SRPK2: variants seen among roughly 807,000 people sequenced by gnomAD.
The protein encoded by SRPK2 is SRSF protein kinase 2.
A neutral mutation model predicts 90.8 loss-of-function variants in SRPK2; 21 were observed. That is an observed-to-expected ratio of 0.23 (90% CI 0.16 to 0.33). The LOEUF is 0.33. Ranked by LOEUF, SRPK2 falls within the 10% of genes least tolerant of loss-of-function variation. The pLI is 1.00. For synonymous variants in SRPK2, 288 were observed against 311.1 expected, an observed-to-expected ratio of 0.93 and a Z score of 0.78; for missense variants, 620 against 869.0, an observed-to-expected ratio of 0.71 and a Z score of 3.60.
chr7:105,204,582 T>C, intron 2 of SRPK2: 1 of 500,868 alleles, frequency 2.0e-6, no homozygotes, highest in South Asian at 1.7e-5. Context: ...AAACTACCAC[T>C]GAATGCGTGC....
intron 2 of SRPK2, among the ~76,000 whole-genome samples, chr7:105,222,727 A>G (rs1176698313): frequency 1.3e-5 from 2 of 152,216 alleles, no homozygotes; most frequent in Non-Finnish European, 2.9e-5. Context: ...CATAATTCAG[A>G]AAGATTTACA....
intron 3 of SRPK2, among the ~76,000 whole-genome samples, chr7:105,181,655 G>A (rs56719792): frequency 5.9e-4 from 90 of 152,200 alleles, no homozygotes; most frequent in African/African-American, 2.0e-3. Context: ...TGTATAAGTG[G>A]GAAGTAAACA....
intron 3 of SRPK2, among the ~76,000 whole-genome samples, chr7:105,187,027 G>A (rs900533112): frequency 2.0e-5 from 3 of 152,208 alleles, no homozygotes; most frequent in Admixed American, 1.3e-4. Flanking sequence ...CCCAGATACC[G>A]TGAAGCAATG....
At chr7:105,281,495 C>T (rs549201324) in intron 2 of SRPK2, among the ~76,000 whole-genome samples, 1 of 152,138 alleles carries the variant, frequency 6.6e-6, no homozygotes, top group Non-Finnish European at 1.5e-5. Context: ...GCTCAAGACT[C>T]CAGCGCTACC....
At chr7:105,250,968 A>T (rs1802406556) in intron 2 of SRPK2, among the ~76,000 whole-genome samples, 1 of 152,208 alleles carries the variant, frequency 6.6e-6, no homozygotes, top group Non-Finnish European at 1.5e-5. Context: ...GCCACTAGGA[A>T]CATGGCTGAT....
chr7:105,249,781 A>G (rs1802229632), intron 2 of SRPK2, among the ~76,000 whole-genome samples: 1 of 152,248 alleles, frequency 6.6e-6, no homozygotes, highest in African/African-American at 2.4e-5. Flanking sequence ...TTGAATAGCA[A>G]ATAAAAAATA....
At chr7:105,393,396 T>C (rs543655222), upstream of SRPK2, among the ~76,000 whole-genome samples, 12 of 151,818 alleles carry the variant, frequency 7.9e-5, no homozygotes, top group African/African-American at 2.9e-4. Context: ...CCTCCCAAAC[T>C]GCTGGGATTA....
At chr7:105,166,535 G>C (rs932044475) in intron 6 of SRPK2, among the ~76,000 whole-genome samples, 1 of 152,122 alleles carries the variant, frequency 6.6e-6, no homozygotes, top group Non-Finnish European at 1.5e-5. Flanking sequence ...ATCAATTATG[G>C]CCAGACCATG....
chr7:105,133,604 C>A (rs9969263), intron 11 of SRPK2, among the ~76,000 whole-genome samples: 2,620 of 152,322 alleles, frequency 0.017, 81 homozygotes, highest in African/African-American at 0.059. Context: ...ACCTCACACC[C>A]ACATCATCCC....
intron 2 of SRPK2, chr7:105,204,599 G>A: frequency 1.8e-6 from 1 of 563,108 alleles, no homozygotes; most frequent in Non-Finnish European, 3.2e-6. Flanking sequence ...GTGCGCTGAA[G>A]ATGACGGCTG....
At chr7:105,384,722 G>A (rs1821334249) in intron 2 of SRPK2, among the ~76,000 whole-genome samples, 1 of 151,984 alleles carries the variant, frequency 6.6e-6, no homozygotes. Flanking sequence ...GTAAAATTCG[G>A]GGTACCCTGA....
chr7:105,379,209 T>C (rs889793836), intron 2 of SRPK2, among the ~76,000 whole-genome samples: 23 of 151,794 alleles, frequency 1.5e-4, no homozygotes, highest in African/African-American at 5.3e-4. Flanking sequence ...TCTGCATCCA[T>C]AGGTTCAACC....
At chr7:105,248,880 C>T (rs1039624700) in intron 2 of SRPK2, among the ~76,000 whole-genome samples, 3 of 150,742 alleles carry the variant, frequency 2.0e-5, no homozygotes, top group Non-Finnish European at 2.9e-5. Flanking sequence ...GAGCCGAGAT[C>T]GTGCCACTGC....
In SRPK2 at chr7:105,247,656, T is replaced by A. The variant is rs182938052; in HGVS notation, c.72-43871A>T. The stretch of plus-strand genomic sequence containing the variant: ...ATTAAATGGTACCTAACAAAATGCA[T>A]CACTAAAAAGAAGAAGTTTAATTCT... On this transcript the variant is annotated intron_variant, in intron 2 of 15. Coordinates refer to ENST00000393651, the MANE Select transcript of SRPK2 (RefSeq NM_182692.3). Among the ~76,000 whole-genome samples, 272 of 152,150 alleles carry A rather than the reference T, an allele frequency of 1.8e-3. 2 individuals are homozygous for A. The highest frequency in any genetic ancestry group is 3.1e-3 in the Non-Finnish European group (208 of 67,994).
chr7:105,222,173 T>A (rs537638257), intron 2 of SRPK2, among the ~76,000 whole-genome samples: 1 of 152,322 alleles, frequency 6.6e-6, no homozygotes. Flanking sequence ...GTACCAGAAG[T>A]AAAACTGCCA....
chr7:105,291,519 A>T (rs955119053), intron 2 of SRPK2, among the ~76,000 whole-genome samples: 9 of 152,000 alleles, frequency 5.9e-5, no homozygotes, highest in Admixed American at 1.3e-4. Flanking sequence ...ACTTGAGTTC[A>T]GGAGTTTGAG....
intron 2 of SRPK2, among the ~76,000 whole-genome samples, chr7:105,370,503 T>A (rs1323714231): frequency 1.3e-5 from 2 of 152,192 alleles, no homozygotes; most frequent in Non-Finnish European, 2.9e-5. Flanking sequence ...CTAAGACTGA[T>A]TTGAAAATTA....
chr7:105,170,951 G>GA (rs1206621460), intron 3 of SRPK2, among the ~76,000 whole-genome samples: 6 of 35,910 alleles, frequency 1.7e-4, no homozygotes, highest in Admixed American at 5.0e-4. Flanking sequence ...AAGAAAGAAA[G>GA]AAAGAAAGAA....
intron 2 of SRPK2, among the ~76,000 whole-genome samples, chr7:105,351,384 C>A (rs1034239409): frequency 6.6e-6 from 1 of 152,064 alleles, no homozygotes; most frequent in Non-Finnish European, 1.5e-5. Context: ...TAAGGATGGG[C>A]AACAGGCTCA....
Sources: gnomAD v4.1 joint callset for allele counts (sites outside exome capture counted in the v4.1 genomes callset) on GRCh38, gnomAD v4.1.1 for gene constraint, MANE v1.5 for transcripts, NCBI Gene and HGNC (gene_info 2026-07-23, HGNC 2026-07-21) for gene names.